The following CEP57L1 variants were observed in gnomAD, a reference collection of about 807,000 sequenced individuals.
The protein encoded by CEP57L1 is centrosomal protein 57 like 1, also known as centrosomal protein CEP57L1.
A neutral mutation model predicts 61.0 loss-of-function variants in CEP57L1; 37 were observed. The ratio of observed to expected loss-of-function variants is 0.61; its 90% CI spans 0.47 to 0.80. CEP57L1 has a LOEUF of 0.80. Among genes scored for constraint, CEP57L1 ranks in the 30% least tolerant of loss-of-function variants. The probability of loss-of-function intolerance (pLI) is 0.00; values close to 1 mark genes in which losing one functional copy is unlikely to be tolerated. For synonymous variants in CEP57L1, 137 were observed against 162.3 expected (o/e 0.84, Z 1.19); for missense variants, 422 against 524.7 (o/e 0.80, Z 1.91).
intron 1 of CEP57L1, among the ~76,000 whole-genome samples, chr6:109,102,220 C>G (rs765492752): frequency 2.0e-5 from 3 of 152,096 alleles, no homozygotes; most frequent in Non-Finnish European, 2.9e-5. Flanking sequence ...TTTTTAGAGG[C>G]AGGGTCTCCC....
rs1218459680 is a variant in CEP57L1 at position 109,169,157 on chromosome 6, C to G, written c.*6187C>G. On this transcript the variant is annotated 3_prime_UTR_variant, in exon 11 of 11. Transcript: ENST00000517392. ...CAGAGGATTGCTTGAACCAGGGAGGCGGAGGTTGCAGTAAGCTGAGATTGT... is the reference window on the plus strand; with the variant it reads ...CAGAGGATTGCTTGAACCAGGGAGGGGGAGGTTGCAGTAAGCTGAGATTGT... Among the ~76,000 whole-genome samples, 3 of 137,040 alleles carry G rather than the reference C, an allele frequency of 2.2e-5. No individual in the cohort carries two copies. The highest frequency in any genetic ancestry group is 3.1e-5 in the Non-Finnish European group (2 of 65,426). The allele number at this position is 137,040 out of a possible 152,430, so 89.9% of individuals were successfully genotyped here. A position where few individuals can be genotyped will look rare whatever the true frequency, so the allele number is the denominator to read the frequency against.
In CEP57L1 at chr6:109,135,301, C is replaced by T. The variant is rs183802176; in HGVS notation, c.-3-9918C>T. 4.8e-4 allele frequency among the ~76,000 whole-genome samples: 73 copies of T among 152,172 alleles called. 1 individual carries two copies. The East Asian group carries it at 8.9e-3, about 19-fold the overall frequency. ...TGATCTTTGACAAACCTGACAAAAA[C>T]AAGAAATGGGGAAAGGATTCCCTAT... On this transcript the variant is annotated intron_variant, in intron 1 of 10. Transcript: ENST00000517392.
intron 1 of CEP57L1, among the ~76,000 whole-genome samples, chr6:109,142,946 GCTCTCTCTCTCTCTCT>G (rs35714375): frequency 0.037 from 2,074 of 55,528 alleles, 24 homozygotes; most frequent in African/African-American, 0.055. Flanking sequence ...TGTCTCTCTT[GCTCTCTCTCTCTCTCT>G]CTCTCTCTCT....
At chr6:109,153,116 A>AAAGAAAAG (rs1772821609) in intron 4 of CEP57L1, among the ~76,000 whole-genome samples, 1 of 151,618 alleles carries the variant, frequency 6.6e-6, no homozygotes. Flanking sequence ...CTCAAAAAAA[A>AAAGAAAAG]AAAAGAAAAG....
At chr6:109,125,492 C>CTATATA (rs3081793) in intron 1 of CEP57L1, among the ~76,000 whole-genome samples, 1 of 143,072 alleles carries the variant, frequency 7.0e-6, no homozygotes, top group African/African-American at 2.6e-5. Flanking sequence ...TTTTTAAATG[C>CTATATA]TATATATATA....
At chr6:109,106,258 G>A (rs1427840408) in intron 1 of CEP57L1, among the ~76,000 whole-genome samples, 1 of 152,172 alleles carries the variant, frequency 6.6e-6, no homozygotes. Context: ...GTACCAAAAA[G>A]ATTGGGGACC....
Position 109,155,106 on chromosome 6 carries a change from A to G in CEP57L1, c.580-124A>G, listed in dbSNP as rs542436275. ...ACATCTTGTGCCATTCCTTTTTCTT[A>G]TTTTCTGCCTTAATTTGCCAAACTC... On this transcript the variant is annotated intron_variant, in intron 5 of 10. Coordinates refer to ENST00000517392, the MANE Select transcript of CEP57L1 (RefSeq NM_001271852.3). The G allele has an allele frequency of 6.7e-5, 31 of 461,664 alleles. No homozygotes were observed. The Admixed American group carries it at 9.1e-4, about 14-fold the overall frequency. The allele number at this position is 461,664 out of a possible 1,614,324, so 28.6% of individuals were successfully genotyped here. A position where few individuals can be genotyped will look rare whatever the true frequency, so the allele number is the denominator to read the frequency against.
At chr6:109,130,921 A>G (rs1196882587) in intron 1 of CEP57L1, 1 of 151,680 alleles carries the variant, frequency 6.6e-6, no homozygotes, top group Non-Finnish European at 1.5e-5. Context: ...TCTTATAAGC[A>G]CTCTATGGGA....
rs1264989293 is a variant in CEP57L1, at chr6:109,114,174, A to G, written c.-4+18599A>G. On this transcript the variant is annotated intron_variant, in intron 1 of 10. Coordinates refer to ENST00000517392, the MANE Select transcript of CEP57L1 (RefSeq NM_001271852.3). ...ACTGTGTCAATTTACAATACCACCT[A>G]CAGAGTATAAGGGTTTCTTTTTCTC... 3.3e-5 allele frequency among the ~76,000 whole-genome samples: 5 copies of G among 152,128 alleles called. No individual in the cohort carries two copies. The East Asian group carries it at 9.6e-4, about 29-fold the overall frequency.
rs1406917971 is a variant in CEP57L1 at position 109,166,317 on chromosome 6, C to T, written c.*3347C>T. 6.6e-6 allele frequency among the ~76,000 whole-genome samples: 1 copy of T among 151,204 alleles called. No homozygotes were observed. The highest frequency in any genetic ancestry group is 1.5e-5 in the Non-Finnish European group (1 of 67,882). The stretch of plus-strand genomic sequence containing the variant: ...CTTACTTTATTCCTTTTTTTCTATA[C>T]CTGCCAGTAGATGTGAGAGCTTTTC... On this transcript the variant is annotated 3_prime_UTR_variant, in exon 11 of 11. Transcript: ENST00000517392.
Position 109,166,941 on chromosome 6 carries a change from A to G in CEP57L1, c.*3971A>G, listed in dbSNP as rs760477334. 5.3e-5 allele frequency among the ~76,000 whole-genome samples: 8 copies of G among 152,240 alleles called. No individual in the cohort carries two copies. Among genetic ancestry groups the G allele is most frequent in the Non-Finnish European group, 8.8e-5 (6 of 68,042 alleles). On this transcript the variant is annotated 3_prime_UTR_variant, in exon 11 of 11. Transcript: ENST00000517392. The stretch of plus-strand genomic sequence containing the variant: ...ACATTTAATTGTAGGTGACGTGTAG[A>G]TAAGTATAAGCTGACACTCAGACAT...
At position 109,116,120 on chromosome 6, in the gene CEP57L1, A is replaced by ATTTTATTTTATTTTATTT. The variant is rs1371123326; in HGVS notation, c.-4+20546_-4+20547insTTTATTTTATTTTATTTT. Among the ~76,000 whole-genome samples, 283 of 136,244 alleles carry ATTTTATTTTATTTTATTT rather than the reference A, an allele frequency of 2.1e-3. 1 individual carries two copies. The highest frequency in any genetic ancestry group is 8.1e-3 in the African/African-American group (273 of 33,512). 89.4% of individuals were successfully genotyped at this position (136,244 alleles called of 152,430 possible). A position where few individuals can be genotyped will look rare whatever the true frequency, so the allele number is the denominator to read the frequency against. ...ATTTTATTTTATTTTATTTTATGTTATGTGTTGTGTTATGTTATGTTATGT... is the reference window on the plus strand; with the variant it reads ...ATTTTATTTTATTTTATTTTATGTTATTTTATTTTATTTTATTTTGTGTTGTGTTATGTTATGTTATGT... On this transcript the variant is annotated intron_variant, in intron 1 of 10. Transcript: ENST00000517392.
chr6:109,097,997 G>A (rs1296816961), intron 1 of CEP57L1, among the ~76,000 whole-genome samples: 1 of 152,250 alleles, frequency 6.6e-6, no homozygotes, highest in African/African-American at 2.4e-5. Flanking sequence ...AGGTCACAGA[G>A]AAAGGAAGTA....
rs1774475876 is a variant in CEP57L1, at chr6:109,173,075, G to A, written c.*10105G>A. Among the ~76,000 whole-genome samples, 1 of 152,206 alleles carries A rather than the reference G, an allele frequency of 6.6e-6. No homozygotes were observed. Among genetic ancestry groups the A allele is most frequent in the Non-Finnish European group, 1.5e-5 (1 of 68,038 alleles). ...TGATTTGTTAATTATTGCCTGGTAGGAAGGAGAACATGTTTTTTTTGAACC... is the reference window on the plus strand; with the variant it reads ...TGATTTGTTAATTATTGCCTGGTAGAAAGGAGAACATGTTTTTTTTGAACC... On this transcript the variant is annotated 3_prime_UTR_variant, in exon 11 of 11. Transcript: ENST00000517392.
chr6:109,097,537 C>T (rs1167672238), intron 1 of CEP57L1, among the ~76,000 whole-genome samples: 1 of 152,136 alleles, frequency 6.6e-6, no homozygotes. Flanking sequence ...TTCACCCACG[C>T]GTTTACTCAA....
At position 109,105,634 on chromosome 6, in the gene CEP57L1, G is replaced by A. The variant is rs77151214; in HGVS notation, c.-4+10059G>A. On this transcript the variant is annotated intron_variant, in intron 1 of 10. Coordinates refer to ENST00000517392, the MANE Select transcript of CEP57L1 (RefSeq NM_001271852.3). ...TACCATCTTTTTGTTCTTTTTCACA[G>A]TGCCCTTACAAATTTTTATTTGCCA... 8.3e-3 allele frequency among the ~76,000 whole-genome samples: 1,264 copies of A among 152,086 alleles called. 24 individuals are homozygous for A. Among genetic ancestry groups the A allele is most frequent in the African/African-American group, 0.029 (1,213 of 41,470 alleles).
chr6:109,160,294 T>C (rs774595128), intron 9 of CEP57L1, among the ~76,000 whole-genome samples: 2 of 152,212 alleles, frequency 1.3e-5, no homozygotes, highest in Non-Finnish European at 2.9e-5. Context: ...AAAGACATCA[T>C]ACATTTTACT....
intron 1 of CEP57L1, among the ~76,000 whole-genome samples, chr6:109,127,958 T>G (rs1345031670): frequency 6.6e-6 from 1 of 152,046 alleles, no homozygotes; most frequent in East Asian, 1.9e-4. Context: ...TTTATAAAAT[T>G]TTGTCTCAAC....
At chr6:109,101,909 G>A (rs1782478939) in intron 1 of CEP57L1, among the ~76,000 whole-genome samples, 1 of 152,158 alleles carries the variant, frequency 6.6e-6, no homozygotes. Context: ...GTGAGCCACC[G>A]CGCCCAGCCA....
Sources: gnomAD v4.1 joint callset for allele counts (sites outside exome capture counted in the v4.1 genomes callset) on GRCh38, gnomAD v4.1.1 for gene constraint, MANE v1.5 for transcripts, NCBI Gene and HGNC (gene_info 2026-07-23, HGNC 2026-07-21) for gene names.